GALNT13: variants seen among roughly 807,000 people sequenced by gnomAD.
The protein encoded by GALNT13 is UDP-GalNAc:polypeptide N-acetylgalactosaminyltransferase 13.
In GALNT13, 28 loss-of-function variants were observed where a neutral mutation model predicts 64.2. That is an observed-to-expected ratio of 0.44 (90% CI 0.32 to 0.60). The LOEUF is 0.60. Among genes scored for constraint, GALNT13 ranks in the 20% least tolerant of loss-of-function variants. GALNT13 has a pLI of 0.05. For synonymous variants in GALNT13, 214 were observed against 224.6 expected (o/e 0.95, Z 0.42); for missense variants, 577 against 669.8 (o/e 0.86, Z 1.53).
chr2:154,196,584 G>T (rs185992666), intron 4 of GALNT13, among the ~76,000 whole-genome samples: 106 of 152,240 alleles, frequency 7.0e-4, no homozygotes, highest in African/African-American at 2.5e-3. Context: ...CTGTTTAAAG[G>T]CTTTGATTCA....
At chr2:154,072,091 A>G (rs1700766282) in intron 3 of GALNT13, among the ~76,000 whole-genome samples, 1 of 152,178 alleles carries the variant, frequency 6.6e-6, no homozygotes, top group Admixed American at 6.6e-5. Flanking sequence ...GTGCAAAACT[A>G]ACATCTGTAC....
intron 3 of GALNT13, among the ~76,000 whole-genome samples, chr2:153,966,549 T>C (rs1485105166): frequency 6.6e-6 from 1 of 151,984 alleles, no homozygotes; most frequent in East Asian, 1.9e-4. Context: ...TTTGTATTTT[T>C]AGTAGACACG....
chr2:153,216,386 G>GTC, the GALNT13 span, among the ~76,000 whole-genome samples: 2 of 152,106 alleles, frequency 1.3e-5, no homozygotes, highest in African/African-American at 4.8e-5. Flanking sequence ...CCACCAAACA[G>GTC]TCTCCCAAAG....
chr2:153,685,128 G>A, the GALNT13 span, among the ~76,000 whole-genome samples: 4 of 151,916 alleles, frequency 2.6e-5, no homozygotes, highest in Admixed American at 6.6e-5. Flanking sequence ...ATGTGTGCAC[G>A]CCTCTTTATA....
chr2:154,031,200 C>T (rs1356330957), intron 3 of GALNT13, among the ~76,000 whole-genome samples: 2 of 151,898 alleles, frequency 1.3e-5, no homozygotes, highest in East Asian at 3.9e-4. Context: ...AACAATATAA[C>T]ATTTGGGAGT....
Position 154,136,932 on chromosome 2 carries a change from GCA to G in GALNT13, c.143-3400_143-3399del, listed in dbSNP as rs146216706. Reference sequence around the variant, plus strand: ...ATTTGCCTATTAGAGTAGATAAATAGCACACATATTTAGATGACAAGTGGTTT... The same window carrying G: ...ATTTGCCTATTAGAGTAGATAAATAGCACATATTTAGATGACAAGTGGTTT... On this transcript the variant is annotated intron_variant, in intron 3 of 12. Coordinates refer to ENST00000392825, the MANE Select transcript of GALNT13 (RefSeq NM_052917.4). Among the ~76,000 whole-genome samples the G allele has an allele frequency of 6.1e-3, 930 of 151,668 alleles. 10 individuals are homozygous for G. Among genetic ancestry groups the G allele is most frequent in the African/African-American group, 0.021 (874 of 41,432 alleles).
the GALNT13 span, among the ~76,000 whole-genome samples, chr2:153,241,176 TTGTC>T: frequency 6.6e-6 from 1 of 152,114 alleles, no homozygotes; most frequent in Non-Finnish European, 1.5e-5. Context: ...CCCTCCTTAT[TTGTC>T]TGATCACATT....
At chr2:153,366,116 T>G in the GALNT13 span, among the ~76,000 whole-genome samples, 1 of 152,108 alleles carries the variant, frequency 6.6e-6, no homozygotes, top group East Asian at 1.9e-4. Flanking sequence ...CTGGAAGCCA[T>G]CATCCTCAGC....
chr2:153,410,314 T>C, the GALNT13 span, among the ~76,000 whole-genome samples: 4 of 152,090 alleles, frequency 2.6e-5, no homozygotes, highest in East Asian at 7.7e-4. Flanking sequence ...CAGACTTATC[T>C]AGAACTCCTG....
chr2:153,739,233 T>G, the GALNT13 span, among the ~76,000 whole-genome samples: 1 of 151,868 alleles, frequency 6.6e-6, no homozygotes, highest in South Asian at 2.1e-4. Context: ...CCCGACCTCC[T>G]CTATAGAGAC....
intron 1 of GALNT13, among the ~76,000 whole-genome samples, chr2:153,899,933 ATATTTTTT>A (rs1263895952): frequency 1.2e-4 from 10 of 86,410 alleles, no homozygotes; most frequent in African/African-American, 4.0e-4. Context: ...ATATATATAT[ATATTTTTT>A]TTTTTTTTTT....
At chr2:153,642,574 A>G in the GALNT13 span, among the ~76,000 whole-genome samples, 10 of 151,890 alleles carry the variant, frequency 6.6e-5, no homozygotes, top group Non-Finnish European at 8.8e-5. Context: ...TTTTAAAAAC[A>G]TATAAAACAG....
chr2:153,641,169 T>G, the GALNT13 span, among the ~76,000 whole-genome samples: 3 of 152,094 alleles, frequency 2.0e-5, no homozygotes, highest in Non-Finnish European at 2.9e-5. Context: ...CCTTTAAATC[T>G]CTCCTTAATT....
rs564943080 is a variant in GALNT13, at chr2:154,449,805, C to T, written c.1531-606C>T. On this transcript the variant is annotated intron_variant, in intron 12 of 12. Coordinates refer to ENST00000392825, the MANE Select transcript of GALNT13 (RefSeq NM_052917.4). ...GTTTAAAAATATGTGATCATCATGC[C>T]CCTGTTTTTATGTTATATTTTTAAG... is the stretch of plus-strand genomic sequence containing the variant. 3.3e-5 allele frequency among the ~76,000 whole-genome samples: 5 copies of T among 151,646 alleles called. No homozygotes were observed. The East Asian group carries it at 9.7e-4, about 29-fold the overall frequency.
rs530903262 is a variant in GALNT13 at position 154,150,097 on chromosome 2, G to A, written c.311+9592G>A. 5.7e-4 allele frequency among the ~76,000 whole-genome samples: 87 copies of A among 152,176 alleles called. 1 individual carries two copies. The highest frequency in any genetic ancestry group is 3.4e-3 in the Middle Eastern group (1 of 294). ...GATAGCTCTTATTATTTTGAGATAC[G>A]TCCCATCAATACCTAATTTATTGAG... On this transcript the variant is annotated intron_variant, in intron 4 of 12. Transcript: ENST00000392825.
rs1178298445 is a variant in GALNT13 at position 154,013,654 on chromosome 2, G to A, written c.142+69015G>A. Among the ~76,000 whole-genome samples, 3 of 152,218 alleles carry A rather than the reference G, an allele frequency of 2.0e-5. No individual in the cohort carries two copies. The East Asian group carries it at 5.8e-4, about 30-fold the overall frequency. On this transcript the variant is annotated intron_variant, in intron 3 of 12. Transcript: ENST00000392825. ...ACACGAGGTTCTGGAATCTGTGCACGCAGTTGCACCCACCGCTGTGCGGTG... is the reference window on the plus strand; with the variant it reads ...ACACGAGGTTCTGGAATCTGTGCACACAGTTGCACCCACCGCTGTGCGGTG...
chr2:153,869,802 C>T (rs1685817921), upstream of GALNT13, among the ~76,000 whole-genome samples: 1 of 152,074 alleles, frequency 6.6e-6, no homozygotes, highest in South Asian at 2.1e-4. Flanking sequence ...TTTCTCCCAT[C>T]AAGACATGGA....
At chr2:153,932,773 G>T (rs752701391) in intron 2 of GALNT13, among the ~76,000 whole-genome samples, 9 of 151,576 alleles carry the variant, frequency 5.9e-5, no homozygotes, top group Non-Finnish European at 8.8e-5. Context: ...GATTACAGGG[G>T]CCTGCCACCA....
intron 9 of GALNT13, among the ~76,000 whole-genome samples, chr2:154,368,358 G>A (rs1380001575): frequency 2.6e-5 from 4 of 152,064 alleles, no homozygotes; most frequent in African/African-American, 9.7e-5. Flanking sequence ...CAACACTAAG[G>A]TCACACCCCT....
Sources: gnomAD v4.1 joint callset for allele counts (sites outside exome capture counted in the v4.1 genomes callset) on GRCh38, gnomAD v4.1.1 for gene constraint, MANE v1.5 for transcripts, NCBI Gene and HGNC (gene_info 2026-07-23, HGNC 2026-07-21) for gene names.